The following SRGAP3 variants were observed in gnomAD, a reference collection of about 807,000 sequenced individuals.
The protein encoded by SRGAP3 is SLIT-ROBO Rho GTPase activating protein 3, also known as SLIT-ROBO Rho GTPase-activating protein 3.
SRGAP3 carries 39 observed loss-of-function variants against 121.1 expected under a neutral mutation model. The ratio of observed to expected loss-of-function variants is 0.32; its 90% CI spans 0.25 to 0.42. The LOEUF is 0.42. Ranked by LOEUF, SRGAP3 falls within the 10% of genes least tolerant of loss-of-function variation. The pLI is 1.00. For synonymous variants in SRGAP3, 601 were observed against 570.0 expected (o/e 1.05, Z -0.77); for missense variants, 1,213 against 1,470.6 (o/e 0.82, Z 2.86).
At chr3:9,232,219 A>C (rs1953237008) in intron 1 of SRGAP3, among the ~76,000 whole-genome samples, 2 of 152,210 alleles carry the variant, frequency 1.3e-5, no homozygotes, top group African/African-American at 2.4e-5. Context: ...TTTCTTTTAC[A>C]GTTCAGCTGA....
At chr3:9,202,378 A>G (rs928601041) in intron 1 of SRGAP3, among the ~76,000 whole-genome samples, 1 of 152,102 alleles carries the variant, frequency 6.6e-6, no homozygotes, top group African/African-American at 2.4e-5. Context: ...CTCCCAAGAC[A>G]CAGCCTATCC....
chr3:9,088,220 G>C (rs1306989631), intron 3 of SRGAP3, among the ~76,000 whole-genome samples: 1 of 152,172 alleles, frequency 6.6e-6, no homozygotes, highest in African/African-American at 2.4e-5. Context: ...CAGGGGTCAG[G>C]GTGGCAGGCT....
chr3:9,250,594 C>G (rs1953987606), upstream of SRGAP3, among the ~76,000 whole-genome samples: 1 of 152,090 alleles, frequency 6.6e-6, no homozygotes, highest in Admixed American at 6.5e-5. Flanking sequence ...TTGAAAAGAT[C>G]AAAGAAAAAT....
intron 1 of SRGAP3, among the ~76,000 whole-genome samples, chr3:9,163,094 C>G (rs1281462327): frequency 6.6e-6 from 1 of 152,208 alleles, no homozygotes; most frequent in African/African-American, 2.4e-5. Context: ...AGAACAATTC[C>G]TGGGACACAG....
intron 1 of SRGAP3, among the ~76,000 whole-genome samples, chr3:9,127,845 G>A (rs1949299088): frequency 6.6e-6 from 1 of 151,738 alleles, no homozygotes; most frequent in Non-Finnish European, 1.5e-5. Flanking sequence ...TTTAGCCCAG[G>A]AGTTCAAAGC....
At chr3:9,178,401 AC>A (rs1163016036) in intron 1 of SRGAP3, among the ~76,000 whole-genome samples, 1 of 152,196 alleles carries the variant, frequency 6.6e-6, no homozygotes, top group Non-Finnish European at 1.5e-5. Context: ...AAAGAGACAG[AC>A]CCCTGATGGT....
chr3:9,299,316 G>A (rs1324377130), intron 3 of SRGAP3, among the ~76,000 whole-genome samples: 61 of 138,718 alleles, frequency 4.4e-4, no homozygotes, highest in African/African-American at 1.1e-3. Flanking sequence ...AGCCAAGATC[G>A]CGCCACTGCA....
chr3:9,171,087 G>A (rs1196453872), intron 1 of SRGAP3, among the ~76,000 whole-genome samples: 1 of 152,200 alleles, frequency 6.6e-6, no homozygotes, highest in Admixed American at 6.5e-5. Flanking sequence ...CCCCACAACA[G>A]AATATTGTGG....
chr3:9,187,205 A>G (rs1951623740), intron 1 of SRGAP3, among the ~76,000 whole-genome samples: 1 of 151,100 alleles, frequency 6.6e-6, no homozygotes, highest in Non-Finnish European at 1.5e-5. Context: ...GAGTGAGAAC[A>G]TGCGGTGTTT....
At chr3:9,328,479 G>A (rs1955553326) in intron 2 of SRGAP3, among the ~76,000 whole-genome samples, 1 of 152,136 alleles carries the variant, frequency 6.6e-6, no homozygotes, top group Non-Finnish European at 1.5e-5. Context: ...TAATTAAGCT[G>A]ACTTTTTAAC....
chr3:9,360,832 T>C (rs2030758816), intron 1 of SRGAP3, among the ~76,000 whole-genome samples: 1 of 152,220 alleles, frequency 6.6e-6, no homozygotes, highest in African/African-American at 2.4e-5. Flanking sequence ...TACTTCAAGA[T>C]GAAATTTAGG....
At chr3:9,021,080 C>G (rs144873799) in intron 14 of SRGAP3, among the ~76,000 whole-genome samples, 3 of 152,362 alleles carry the variant, frequency 2.0e-5, no homozygotes, top group East Asian at 3.9e-4. Flanking sequence ...GCCACAGGTC[C>G]TCGAGCCCCT....
Position 9,249,378 on chromosome 3 carries a change from A to G in SRGAP3, c.-427T>C. ...GCTGTGCACACAGGCATACACACAC[A>G]CACCCTCACACGCACACACACTCGC... On this transcript the variant is annotated 5_prime_UTR_variant, in exon 1 of 22. Transcript: ENST00000383836. The G allele has an allele frequency of 3.1e-6, 1 of 321,326 alleles. No individual in the cohort carries two copies. The highest frequency in any genetic ancestry group is 5.9e-6 in the Non-Finnish European group (1 of 170,736). The allele number at this position is 321,326 out of a possible 1,614,324, so 19.9% of individuals were successfully genotyped here. A position where few individuals can be genotyped will look rare whatever the true frequency, so the allele number is the denominator to read the frequency against.
chr3:9,064,683 A>G (rs1336198421), intron 4 of SRGAP3, 102 bp from the exon 5 acceptor site: 20 of 1,405,278 alleles, frequency 1.4e-5, no homozygotes, highest in Non-Finnish European at 2.0e-5. Flanking sequence ...CTAGCTGGCC[A>G]CTGCCCTGGT....
chr3:9,262,742 A>G (rs1218677941), intron 3 of SRGAP3, among the ~76,000 whole-genome samples: 5 of 152,094 alleles, frequency 3.3e-5, no homozygotes, highest in African/African-American at 9.7e-5. Context: ...AGACCTACAA[A>G]GAGACTTAGA....
intron 1 of SRGAP3, among the ~76,000 whole-genome samples, chr3:9,196,984 C>G (rs967446894): frequency 6.6e-6 from 1 of 152,208 alleles, no homozygotes; most frequent in African/African-American, 2.4e-5. Context: ...CTAAAACACA[C>G]CTCTCCAAAG....
At chr3:9,319,696 G>T (rs750363991) in intron 3 of SRGAP3, among the ~76,000 whole-genome samples, 4 of 151,836 alleles carry the variant, frequency 2.6e-5, no homozygotes, top group Non-Finnish European at 4.4e-5. Context: ...CACTAGATTA[G>T]GAGTCAGGAA....
intron 3 of SRGAP3, among the ~76,000 whole-genome samples, chr3:9,273,454 G>C (rs1025947330): frequency 2.0e-5 from 3 of 147,984 alleles, no homozygotes; most frequent in Non-Finnish European, 4.5e-5. Context: ...GTTTGTTTTT[G>C]TCATTGCTGA....
intron 6 of SRGAP3, chr3:9,059,832 G>T (rs1946046731): frequency 6.5e-6 from 2 of 307,928 alleles, no homozygotes; most frequent in Non-Finnish European, 1.3e-5. Flanking sequence ...AGTGGCCCTA[G>T]GGGCGCCAAA....
Sources: gnomAD v4.1 joint callset for allele counts (sites outside exome capture counted in the v4.1 genomes callset) on GRCh38, gnomAD v4.1.1 for gene constraint, MANE v1.5 for transcripts, NCBI Gene and HGNC (gene_info 2026-07-23, HGNC 2026-07-21) for gene names.